The following KIAA1217 variants were observed in gnomAD, a reference collection of about 807,000 sequenced individuals.
The protein encoded by KIAA1217 is KIAA1217, also known as sickle tail protein homolog.
Under a neutral mutation model 163.9 loss-of-function variants are expected in KIAA1217, and 88 were observed. The observed-to-expected ratio is 0.54, with a 90% CI of 0.45 to 0.64. KIAA1217 has a LOEUF of 0.64. Ranked by LOEUF, KIAA1217 falls within the 30% of genes least tolerant of loss-of-function variation. The probability of loss-of-function intolerance (pLI) is 0.00; values close to 1 mark genes in which losing one functional copy is unlikely to be tolerated. For synonymous variants in KIAA1217, 903 were observed against 923.1 expected (o/e 0.98, Z 0.39); for missense variants, 2,372 against 2,475.0 (o/e 0.96, Z 0.88).
intron 2 of KIAA1217, among the ~76,000 whole-genome samples, chr10:24,168,738 G>A (rs1466668703): frequency 1.3e-5 from 2 of 152,192 alleles, no homozygotes; most frequent in Non-Finnish European, 2.9e-5. Context: ...GTTCTCTCCG[G>A]CCACTGTCTG....
intron 1 of KIAA1217, among the ~76,000 whole-genome samples, chr10:23,889,520 C>T (rs77346011): frequency 0.018 from 2,697 of 151,906 alleles, 43 homozygotes; most frequent in Admixed American, 0.049. Context: ...AGTTCTTTAA[C>T]CATTCTAGAT....
chr10:24,083,092 T>G (rs2061588883), intron 2 of KIAA1217, among the ~76,000 whole-genome samples: 1 of 152,202 alleles, frequency 6.6e-6, no homozygotes, highest in Non-Finnish European at 1.5e-5. Context: ...ATTTTTAATG[T>G]GTTTGCTATT....
intron 1 of KIAA1217, among the ~76,000 whole-genome samples, chr10:23,873,444 C>G (rs1840552226): frequency 6.6e-6 from 1 of 151,972 alleles, no homozygotes; most frequent in South Asian, 2.1e-4. Flanking sequence ...TGAAGCATTA[C>G]TCTGTGCCAT....
chr10:24,040,401 C>T (rs912977457), intron 2 of KIAA1217, among the ~76,000 whole-genome samples: 1 of 152,052 alleles, frequency 6.6e-6, no homozygotes, highest in Non-Finnish European at 1.5e-5. Context: ...AAAAGAAAGG[C>T]GACTGCTAAT....
chr10:24,010,287 A>G (rs575604289), intron 2 of KIAA1217, among the ~76,000 whole-genome samples: 1 of 152,280 alleles, frequency 6.6e-6, no homozygotes, highest in East Asian at 1.9e-4. Flanking sequence ...CTTGTCACAG[A>G]TAAAAACTGC....
intron 2 of KIAA1217, among the ~76,000 whole-genome samples, chr10:24,196,272 G>A (rs1208960947): frequency 6.6e-6 from 1 of 152,132 alleles, no homozygotes. Context: ...CCCACCCAAC[G>A]CGCAGTGTCT....
At chr10:24,272,673 T>G (rs902596941) in intron 2 of KIAA1217, among the ~76,000 whole-genome samples, 2 of 152,238 alleles carry the variant, frequency 1.3e-5, no homozygotes, top group East Asian at 3.8e-4. Flanking sequence ...ATAACTGACT[T>G]CGAAATTCTT....
At chr10:24,186,865 G>T (rs1210938540) in intron 2 of KIAA1217, among the ~76,000 whole-genome samples, 2 of 152,122 alleles carry the variant, frequency 1.3e-5, no homozygotes, top group African/African-American at 4.8e-5. Flanking sequence ...ACTCCAGCCT[G>T]GGTGACAGAG....
At chr10:23,724,417 T>C (rs1390394837) in intron 1 of KIAA1217, among the ~76,000 whole-genome samples, 1 of 152,270 alleles carries the variant, frequency 6.6e-6, no homozygotes, top group Non-Finnish European at 1.5e-5. Context: ...TTTCCTTCTG[T>C]GAATTTTAAA....
At chr10:24,454,295 G>A (rs1382946146) in intron 5 of KIAA1217, among the ~76,000 whole-genome samples, 1 of 152,146 alleles carries the variant, frequency 6.6e-6, no homozygotes, top group African/African-American at 2.4e-5. Context: ...CATTGTGCAG[G>A]CAGCACTAAC....
intron 1 of KIAA1217, among the ~76,000 whole-genome samples, chr10:23,753,432 A>C (rs1187880439): frequency 6.6e-6 from 1 of 152,196 alleles, no homozygotes; most frequent in African/African-American, 2.4e-5. Context: ...TTGTGAACAT[A>C]GTCAATCAAA....
chr10:23,745,826 G>A (rs1336794830), intron 1 of KIAA1217, among the ~76,000 whole-genome samples: 2 of 152,150 alleles, frequency 1.3e-5, no homozygotes, highest in Admixed American at 1.3e-4. Flanking sequence ...CATCAGCAGT[G>A]GGTGCAAATA....
intron 5 of KIAA1217, among the ~76,000 whole-genome samples, chr10:24,448,813 GC>G (rs1438195528): frequency 6.6e-6 from 1 of 152,198 alleles, no homozygotes; most frequent in Non-Finnish European, 1.5e-5. Flanking sequence ...CACTCAATCA[GC>G]CATAGTGAGT....
chr10:24,520,301 C>T (rs759877354), intron 11 of KIAA1217, 48 bp downstream of exon 11: 1 of 1,599,766 alleles, frequency 6.3e-7, no homozygotes, highest in African/African-American at 1.3e-5. Context: ...GTCTTTCCTG[C>T]GGTGTTTAAA....
chr10:23,976,150 C>T (rs567839437), intron 1 of KIAA1217, among the ~76,000 whole-genome samples: 5 of 152,250 alleles, frequency 3.3e-5, no homozygotes, highest in South Asian at 2.1e-4. Flanking sequence ...AATAGAACCC[C>T]GCAGATCAGT....
intron 1 of KIAA1217, among the ~76,000 whole-genome samples, chr10:23,811,738 G>A (rs1156822921): frequency 6.6e-6 from 1 of 152,080 alleles, no homozygotes; most frequent in East Asian, 1.9e-4. Flanking sequence ...CACTCAAGAG[G>A]TGGAATTATA....
rs552815134 is a variant in KIAA1217, at chr10:23,986,583, GT to G, written c.-320-20635del. Among the ~76,000 whole-genome samples the G allele has an allele frequency of 1.4e-4, 22 of 152,066 alleles. No homozygotes were observed. The South Asian group carries it at 4.2e-3, about 29-fold the overall frequency. The stretch of plus-strand genomic sequence containing the variant: ...TATGACTGTACTGCTATTTTTTGTT[GT>G]TTTTTTATGAATTTTTTTGATCCAC... On this transcript the variant is annotated intron_variant, in intron 1 of 18. Coordinates refer to the KIAA1217 transcript ENST00000376462.
Position 24,513,258 on chromosome 10 carries a change from G to T in KIAA1217, c.2002-1G>T. 8.1e-6 allele frequency: 13 copies of T among 1,613,690 alleles called. No individual in the cohort carries two copies. Among genetic ancestry groups the T allele is most frequent in the Non-Finnish European group, 1.1e-5 (13 of 1,179,860 alleles). ...TGAGGTTGATTTTTTTGTGTTCACA[G>T]CTGCAGAACCAGGAGTTGCTGAGGG... is the stretch of plus-strand genomic sequence containing the variant. On this transcript the variant is annotated splice_acceptor_variant, in intron 9 of 20. Transcript: ENST00000376454. LOFTEE classifies it high-confidence loss of function.
At chr10:24,125,566 C>A (rs1250734248) in intron 2 of KIAA1217, among the ~76,000 whole-genome samples, 1 of 151,698 alleles carries the variant, frequency 6.6e-6, no homozygotes, top group Admixed American at 6.6e-5. Context: ...ACTTTTTTTA[C>A]AGCTTTGTAA....
Sources: gnomAD v4.1 joint callset for allele counts (sites outside exome capture counted in the v4.1 genomes callset) on GRCh38, gnomAD v4.1.1 for gene constraint, MANE v1.5 for transcripts, NCBI Gene and HGNC (gene_info 2026-07-23, HGNC 2026-07-21) for gene names.